ZNF345: variants seen among roughly 807,000 people sequenced by gnomAD.
ZNF345 encodes zinc finger protein HZF10.
For synonymous variants in ZNF345, 166 were observed against 187.9 expected, an observed-to-expected ratio of 0.88 and a Z score of 0.95; for missense variants, 527 against 589.9, an observed-to-expected ratio of 0.89 and a Z score of 1.10.
At chr19:36,853,245 CTTTTT>C (rs902150512) in intron 2 of ZNF345, among the ~76,000 whole-genome samples, 1 of 106,532 alleles carries the variant, frequency 9.4e-6, no homozygotes, top group South Asian at 3.1e-4. Context: ...TTCTTTCTTT[CTTTTT>C]TTTTTTTTTT....
chr19:36,892,276 A>G, intron 3 of ZNF345: 1 of 1,613,916 alleles, frequency 6.2e-7, no homozygotes, highest in South Asian at 1.1e-5. Context: ...CTGATGTTGG[A>G]TAAATTGTGA....
intron 2 of ZNF345, among the ~76,000 whole-genome samples, chr19:36,858,969 T>C (rs987516469): frequency 1.3e-5 from 2 of 152,168 alleles, no homozygotes; most frequent in African/African-American, 4.8e-5. Flanking sequence ...CTGCCATATC[T>C]GTGCACTTCC....
In ZNF345 at chr19:36,856,094, G is replaced by GT. The variant is rs1195675678; in HGVS notation, c.-47+4191dup. On this transcript the variant is annotated intron_variant, in intron 2 of 2. Coordinates refer to ENST00000420450, the MANE Select transcript of ZNF345 (RefSeq NM_001242472.2). ...GTGCACAACACTTAATACACATCAG[G>GT]TGTTGAGAAAATGTTATTTCCCTTC... 4.6e-5 allele frequency among the ~76,000 whole-genome samples: 7 copies of GT among 152,292 alleles called. No homozygotes were observed. In the South Asian group the frequency reaches 1.0e-3, roughly 23 times the overall value.
intron 2 of ZNF345, among the ~76,000 whole-genome samples, chr19:36,863,787 C>T (rs138076332): frequency 3.9e-5 from 6 of 152,304 alleles, no homozygotes; most frequent in South Asian, 2.1e-4. Flanking sequence ...CATCCCACAC[C>T]GCAGTCCTTA....
intron 3 of ZNF345, among the ~76,000 whole-genome samples, chr19:36,886,860 G>C (rs1383130313): frequency 3.3e-5 from 5 of 151,810 alleles, no homozygotes; most frequent in Non-Finnish European, 7.4e-5. Context: ...CGGGCGTGGT[G>C]GTGGGCGCCT....
intron 3 of ZNF345, chr19:36,892,339 C>T (rs1568366990): frequency 6.2e-7 from 1 of 1,613,816 alleles, no homozygotes; most frequent in Non-Finnish European, 8.5e-7. Context: ...TTTCTCTTCA[C>T]TCATAGTTTT....
At chr19:36,882,111 G>T (rs2072972046), downstream of ZNF345, among the ~76,000 whole-genome samples, 1 of 148,976 alleles carries the variant, frequency 6.7e-6, no homozygotes. Flanking sequence ...ATTTTTGTTT[G>T]CTTTTTCTAT....
Position 36,876,953 on chromosome 19 carries a change from T to C in ZNF345, c.123T>C (p.Thr41=). Residue 41 remains threonine (T), a synonymous_variant, in exon 3 of 3, where the codon ACT becomes ACC. Coordinates refer to ENST00000420450, the MANE Select transcript of ZNF345 (RefSeq NM_001242472.2). ...GACATTTCAGTGAAATGATATTTACTCCTGAAGACATGCCCACTTTCAGTA... is the reference window on the plus strand; with the variant it reads ...GACATTTCAGTGAAATGATATTTACCCCTGAAGACATGCCCACTTTCAGTA... ...QEGHFSEMIF[T]PEDMPTFSIQ... is the part of the protein sequence containing the mutation. The C allele has an allele frequency of 1.2e-6, 2 of 1,614,150 alleles. No homozygotes were observed. Among genetic ancestry groups the C allele is most frequent in the Non-Finnish European group, 1.7e-6 (2 of 1,180,008 alleles).
chr19:36,851,242 GGT>G (rs149061399), intron 1 of ZNF345: 8 of 151,794 alleles, frequency 5.3e-5, no homozygotes, highest in African/African-American at 9.7e-5. Flanking sequence ...GTCCCCTTGG[GGT>G]GTGTGTGTGT....
At chr19:36,889,691 C>T (rs2073032368) in intron 3 of ZNF345, 1 of 152,044 alleles carries the variant, frequency 6.6e-6, no homozygotes, top group Non-Finnish European at 1.5e-5. Context: ...AGCTAGTGGT[C>T]TGTCAGTTTT....
chr19:36,868,169 A>AT (rs1568355685), intron 2 of ZNF345, among the ~76,000 whole-genome samples: 2 of 151,224 alleles, frequency 1.3e-5, no homozygotes, highest in South Asian at 2.1e-4. Flanking sequence ...CGCCCAGCTA[A>AT]TTTTTTTTAC....
At chr19:36,892,232 T>G in intron 3 of ZNF345, 1 of 1,614,110 alleles carries the variant, frequency 6.2e-7, no homozygotes. Context: ...CCATACTCCT[T>G]AGATTCATAG....
At chr19:36,892,872 T>C in exon 4 of ZNF345, 1 of 1,156,618 alleles carries the variant, frequency 8.6e-7, no homozygotes, top group Non-Finnish European at 1.1e-6. Context: ...TCGTACAGCT[T>C]GTGGAGCTCC....
intron 3 of ZNF345, chr19:36,888,348 AC>A (rs2073017262): frequency 6.6e-6 from 1 of 152,136 alleles, no homozygotes; most frequent in Non-Finnish European, 1.5e-5. Flanking sequence ...ATAGTGTCAA[AC>A]CGTCAATGCA....
intron 2 of ZNF345, among the ~76,000 whole-genome samples, chr19:36,853,068 T>G (rs1360278273): frequency 7.2e-5 from 11 of 152,110 alleles, no homozygotes; most frequent in Admixed American, 4.6e-4. Context: ...ATAAGTATTT[T>G]CACCTGCTCT....
At chr19:36,857,346 G>A (rs1009659650) in intron 2 of ZNF345, among the ~76,000 whole-genome samples, 2 of 151,834 alleles carry the variant, frequency 1.3e-5, no homozygotes, top group Admixed American at 1.3e-4. Context: ...TTGCTCTGTC[G>A]CCCAGGCTGG....
At chr19:36,861,021 C>T (rs913954120) in intron 2 of ZNF345, among the ~76,000 whole-genome samples, 1 of 152,048 alleles carries the variant, frequency 6.6e-6, no homozygotes, top group Non-Finnish European at 1.5e-5. Context: ...AGAGCTTTCC[C>T]TTCTCTCCCA....
intron 3 of ZNF345, chr19:36,891,845 T>G (rs1448808069): frequency 1.2e-6 from 2 of 1,614,024 alleles, no homozygotes. Context: ...GTATGCATTC[T>G]CTGATGCTGA....
chr19:36,858,208 C>T (rs557773833), intron 2 of ZNF345: 1 of 152,418 alleles, frequency 6.6e-6, no homozygotes, highest in African/African-American at 2.4e-5. Context: ...TAATCAAGCC[C>T]ATTTTTCTTA....
Sources: gnomAD v4.1 joint callset for allele counts (sites outside exome capture counted in the v4.1 genomes callset) on GRCh38, gnomAD v4.1.1 for gene constraint, MANE v1.5 for transcripts, NCBI Gene and HGNC (gene_info 2026-07-23, HGNC 2026-07-21) for gene names.